Variants in ZBTB20 observed in about 807,000 individuals in gnomAD.
ZBTB20 encodes the protein zinc finger and BTB domain containing 20.
A neutral mutation model predicts 56.9 loss-of-function variants in ZBTB20; 9 were observed. That is an observed-to-expected ratio of 0.16 (90% confidence interval 0.10 to 0.28). The LOEUF is 0.28. Among genes scored for constraint, ZBTB20 ranks in the 10% least tolerant of loss-of-function variants. The pLI, the probability that ZBTB20 is intolerant of heterozygous loss-of-function variation, is 1.00. For missense variants in ZBTB20, 655 were observed against 1,003.0 expected (o/e 0.65, Z 4.69); for synonymous variants, 417 against 420.7 (o/e 0.99, Z 0.11).
At chr3:114,720,820 T>A (rs769253292) in intron 5 of ZBTB20, among the ~76,000 whole-genome samples, 56 of 152,318 alleles carry the variant, frequency 3.7e-4, no homozygotes, top group Middle Eastern at 6.8e-3. Flanking sequence ...GTGCCTGACA[T>A]ATTTAATATC....
At chr3:115,063,577 G>A (rs2082090402) in intron 2 of ZBTB20, among the ~76,000 whole-genome samples, 1 of 151,950 alleles carries the variant, frequency 6.6e-6, no homozygotes. Flanking sequence ...ATTTTGAGGT[G>A]ACACAAACAT....
At chr3:114,557,741 T>C (rs1227810364) in intron 6 of ZBTB20, among the ~76,000 whole-genome samples, 1 of 152,020 alleles carries the variant, frequency 6.6e-6, no homozygotes, top group Admixed American at 6.6e-5. Flanking sequence ...TTTTCACCTG[T>C]AATTGCATAC....
chr3:115,103,128 T>C (rs1296338330), intron 1 of ZBTB20: 2 of 152,152 alleles, frequency 1.3e-5, no homozygotes, highest in Non-Finnish European at 2.9e-5. Flanking sequence ...CTGGAGACAA[T>C]AAGGTCTGAA....
intron 2 of ZBTB20, among the ~76,000 whole-genome samples, chr3:115,050,401 ATTAGC>A (rs949621584): frequency 6.6e-6 from 1 of 151,920 alleles, no homozygotes; most frequent in Non-Finnish European, 1.5e-5. Context: ...TATAAAATTC[ATTAGC>A]TTAGAGTTAT....
At chr3:114,566,323 G>A (rs916806065) in intron 6 of ZBTB20, among the ~76,000 whole-genome samples, 3 of 152,022 alleles carry the variant, frequency 2.0e-5, no homozygotes, top group African/African-American at 7.3e-5. Flanking sequence ...GTAACCCCTG[G>A]GTCACACAGC....
chr3:114,498,741 G>A (rs1285964471), intron 7 of ZBTB20, among the ~76,000 whole-genome samples: 1 of 152,188 alleles, frequency 6.6e-6, no homozygotes, highest in Non-Finnish European at 1.5e-5. Flanking sequence ...TGCAACTGAT[G>A]GCTGATGTAG....
At chr3:114,711,076 C>T (rs548502322) in intron 5 of ZBTB20, among the ~76,000 whole-genome samples, 9 of 152,270 alleles carry the variant, frequency 5.9e-5, no homozygotes, top group African/African-American at 2.2e-4. Flanking sequence ...ATCTTCCACT[C>T]GGTGAGACCT....
At chr3:114,341,828 C>T (rs1366149353) in intron 11 of ZBTB20, among the ~76,000 whole-genome samples, 1 of 152,188 alleles carries the variant, frequency 6.6e-6, no homozygotes, top group Non-Finnish European at 1.5e-5. Context: ...TTTAGTGGTC[C>T]TGAGTCCGTG....
At chr3:114,791,583 C>A (rs4682549) in intron 5 of ZBTB20, 150,120 of 152,318 alleles carry the variant, frequency 0.99, 74,022 homozygotes, top group East Asian at 1. Context: ...TGATGGTAAC[C>A]ATGGCAACAG....
chr3:114,613,116 G>A (rs2057680086), intron 6 of ZBTB20, among the ~76,000 whole-genome samples: 1 of 152,202 alleles, frequency 6.6e-6, no homozygotes, highest in African/African-American at 2.4e-5. Flanking sequence ...TGGTTCTAGT[G>A]TGGTGTTCAC....
chr3:115,053,279 G>A (rs1026487699), intron 2 of ZBTB20, among the ~76,000 whole-genome samples: 21 of 152,114 alleles, frequency 1.4e-4, no homozygotes, highest in Admixed American at 3.9e-4. Flanking sequence ...ATCCTTCATC[G>A]TTGGAACAGT....
rs558149659 is a variant in ZBTB20, at chr3:114,547,189, C to T, written c.-294-46798G>A. On this transcript the variant is annotated intron_variant, in intron 6 of 11. Coordinates refer to ENST00000675478, the MANE Select transcript of ZBTB20 (RefSeq NM_001348800.3). ...TGGCCTTACAGCTAGATGAGGAATT[C>T]GGATTCTAGTCTTCAGGTAGAAAAG... 5.4e-4 allele frequency among the ~76,000 whole-genome samples: 82 copies of T among 152,202 alleles called. No individual in the cohort carries two copies. In the South Asian group the frequency reaches 0.016, roughly 29 times the overall value.
At position 114,567,440 on chromosome 3, in the gene ZBTB20, G is replaced by A. The variant is rs759844545; in HGVS notation, c.-294-67049C>T. On this transcript the variant is annotated intron_variant, in intron 6 of 11. Coordinates refer to ENST00000675478, the MANE Select transcript of ZBTB20 (RefSeq NM_001348800.3). Reference sequence around the variant, plus strand: ...TTGGCATTGGGATAAAATTTCTATGGTCCCTCCATCTCCTTCATATATTGC... The same window carrying A: ...TTGGCATTGGGATAAAATTTCTATGATCCCTCCATCTCCTTCATATATTGC... 6.8e-4 allele frequency among the ~76,000 whole-genome samples: 103 copies of A among 152,176 alleles called. 1 individual carries two copies. The highest frequency in any genetic ancestry group is 1.1e-3 in the Non-Finnish European group (72 of 68,000).
At chr3:114,556,870 T>A (rs1169263061) in intron 6 of ZBTB20, among the ~76,000 whole-genome samples, 1 of 152,056 alleles carries the variant, frequency 6.6e-6, no homozygotes, top group Non-Finnish European at 1.5e-5. Flanking sequence ...GATGCAGAAA[T>A]CTTTTTGAGA....
chr3:114,842,812 C>G (rs984216803), intron 4 of ZBTB20, among the ~76,000 whole-genome samples: 5 of 152,126 alleles, frequency 3.3e-5, no homozygotes, highest in Admixed American at 1.3e-4. Flanking sequence ...CCAGAATTTG[C>G]AACATTTGAT....
chr3:114,314,792 AATAAT>A lies in ZBTB20; in HGVS notation c.*24208_*24212del, dbSNP rs1364352671. The A allele has an allele frequency of 4.6e-5, 7 of 152,170 alleles. No homozygotes were observed. Among genetic ancestry groups the A allele is most frequent in the African/African-American group, 7.2e-5 (3 of 41,554 alleles). The allele number at this position is 152,170 out of a possible 1,614,324, so 9.4% of individuals were successfully genotyped here. On this transcript the variant is annotated 3_prime_UTR_variant, in exon 12 of 12. Coordinates refer to ENST00000675478, the MANE Select transcript of ZBTB20 (RefSeq NM_001348800.3). ...TATTCCAAAATGTCACAATAATAATAATAATATAATAGTATAATGAAGCGCTACAG... is the reference window on the plus strand; with the variant it reads ...TATTCCAAAATGTCACAATAATAATAATAATAGTATAATGAAGCGCTACAG...
chr3:115,071,077 A>C (rs1347074432), intron 2 of ZBTB20, 142 bp downstream of exon 2: 1 of 152,164 alleles, frequency 6.6e-6, no homozygotes, highest in African/African-American at 2.4e-5. Context: ...CACTCTGCAA[A>C]CTATCAATCA....
rs2079167801 is a variant in ZBTB20, at chr3:114,329,506, T to C, written c.*9499A>G. On this transcript the variant is annotated 3_prime_UTR_variant, in exon 12 of 12. Transcript: ENST00000675478. Reference sequence around the variant, plus strand: ...AGACAGAATGCCTGATTTCTGAAGTTTTCTTGATGGCCCAACTAAAGAAGA... The same window carrying C: ...AGACAGAATGCCTGATTTCTGAAGTCTTCTTGATGGCCCAACTAAAGAAGA... The C allele has an allele frequency of 6.6e-6, 1 of 151,972 alleles. No individual in the cohort carries two copies. The highest frequency in any genetic ancestry group is 1.5e-5 in the Non-Finnish European group (1 of 67,974). The allele number at this position is 151,972 out of a possible 1,614,324, so 9.4% of individuals were successfully genotyped here.
chr3:114,917,442 A>G (rs1034124939), intron 3 of ZBTB20, among the ~76,000 whole-genome samples: 3 of 152,186 alleles, frequency 2.0e-5, no homozygotes, highest in Admixed American at 1.3e-4. Flanking sequence ...ATGTCTACAC[A>G]GTGAAGAAGT....
Sources: allele counts gnomAD v4.1 joint callset (sites outside exome capture counted in the v4.1 genomes callset), GRCh38; gene constraint gnomAD v4.1.1; transcripts MANE v1.5; gene names NCBI Gene and HGNC (gene_info 2026-07-23, HGNC 2026-07-21).